The following MALRD1 variants were observed in gnomAD, a reference collection of about 807,000 sequenced individuals.
MALRD1 encodes MAM and LDL-receptor class A domain-containing protein 1.
In MALRD1, 247 loss-of-function variants were observed where a neutral mutation model predicts 242.1. The ratio of observed to expected loss-of-function variants is 1.02; its 90% CI spans 0.92 to 1.13. The LOEUF (loss-of-function observed/expected upper bound fraction) is 1.13. Among genes scored for constraint, MALRD1 ranks in the 50% most tolerant of loss-of-function variants. MALRD1 has a pLI of 0.00. For missense variants in MALRD1, 2,989 were observed against 2,533.1 expected, an observed-to-expected ratio of 1.18 and a Z score of -3.86; for synonymous variants, 995 against 866.6, an observed-to-expected ratio of 1.15 and a Z score of -2.60.
intron 32 of MALRD1, among the ~76,000 whole-genome samples, chr10:19,557,646 C>T (rs971882862): frequency 9.9e-5 from 15 of 152,056 alleles, no homozygotes; most frequent in African/African-American, 3.6e-4. Context: ...TCTATTCTTT[C>T]ACAAATACTA....
intron 31 of MALRD1, among the ~76,000 whole-genome samples, chr10:19,499,635 A>G (rs920869520): frequency 6.6e-6 from 1 of 152,112 alleles, no homozygotes; most frequent in African/African-American, 2.4e-5. Flanking sequence ...ATATACACAC[A>G]TCCTGTTGAT....
At chr10:19,113,107 T>C (rs964909265) in intron 5 of MALRD1, among the ~76,000 whole-genome samples, 1 of 152,184 alleles carries the variant, frequency 6.6e-6, no homozygotes. Flanking sequence ...ATATTTTTTT[T>C]CTTCCAATTT....
intron 18 of MALRD1, among the ~76,000 whole-genome samples, chr10:19,210,270 T>TTATC (rs1296758560): frequency 6.6e-6 from 1 of 152,194 alleles, no homozygotes; most frequent in Non-Finnish European, 1.5e-5. Flanking sequence ...ATTTTATATA[T>TTATC]TATCTATCTG....
chr10:19,445,523 T>C (rs1292181489), intron 28 of MALRD1, among the ~76,000 whole-genome samples: 1 of 152,214 alleles, frequency 6.6e-6, no homozygotes, highest in South Asian at 2.1e-4. Context: ...TTGTTAGTTT[T>C]CCTTCTAACA....
At chr10:19,238,836 C>T (rs1470108720) in intron 18 of MALRD1, among the ~76,000 whole-genome samples, 2 of 151,196 alleles carry the variant, frequency 1.3e-5, no homozygotes, top group Admixed American at 6.6e-5. Flanking sequence ...TTTACAATCC[C>T]ATCAACAGTG....
intron 26 of MALRD1, among the ~76,000 whole-genome samples, chr10:19,380,443 A>G (rs1845790156): frequency 6.6e-6 from 1 of 151,876 alleles, no homozygotes; most frequent in African/African-American, 2.4e-5. Flanking sequence ...TCAGCTGTTC[A>G]GTAGTTCTTT....
At chr10:19,450,112 C>G (rs1835236488) in intron 28 of MALRD1, among the ~76,000 whole-genome samples, 195 bp from the exon 29 acceptor site, 2 of 152,172 alleles carry the variant, frequency 1.3e-5, no homozygotes, top group Non-Finnish European at 2.9e-5. Flanking sequence ...CCCCTGACCT[C>G]TTGAGTCTTT....
At chr10:19,424,183 T>C (rs1833819308) in intron 28 of MALRD1, among the ~76,000 whole-genome samples, 1 of 152,066 alleles carries the variant, frequency 6.6e-6, no homozygotes, top group African/African-American at 2.4e-5. Context: ...TTAGATAGAG[T>C]CTTGCTCTGT....
At chr10:19,319,943 T>G (rs1842850769) in intron 21 of MALRD1, among the ~76,000 whole-genome samples, 1 of 152,042 alleles carries the variant, frequency 6.6e-6, no homozygotes, top group Non-Finnish European at 1.5e-5. Context: ...ATTTAATGCA[T>G]TTGTAGACAA....
chr10:19,325,694 G>A (rs762579602), intron 22 of MALRD1, among the ~76,000 whole-genome samples: 1 of 152,088 alleles, frequency 6.6e-6, no homozygotes, highest in Non-Finnish European at 1.5e-5. Context: ...TGTACTATGA[G>A]CAGTTTTAGA....
chr10:19,427,911 A>T (rs919762380), intron 28 of MALRD1, among the ~76,000 whole-genome samples: 1 of 152,178 alleles, frequency 6.6e-6, no homozygotes, highest in East Asian at 1.9e-4. Context: ...ATGCAATCCC[A>T]GTGAGAAGCT....
At chr10:19,418,819 T>C (rs1208316887) in intron 28 of MALRD1, among the ~76,000 whole-genome samples, 1 of 152,208 alleles carries the variant, frequency 6.6e-6, no homozygotes, top group Non-Finnish European at 1.5e-5. Context: ...TTTTCTATCC[T>C]TATAACCAAC....
At chr10:19,202,726 G>A (rs745730444) in intron 14 of MALRD1, among the ~76,000 whole-genome samples, 4 of 152,002 alleles carry the variant, frequency 2.6e-5, no homozygotes, top group South Asian at 2.1e-4. Context: ...TTCATTTTGC[G>A]TTGGTCTGTG....
intron 21 of MALRD1, among the ~76,000 whole-genome samples, chr10:19,291,134 T>G (rs1841402740): frequency 6.6e-6 from 1 of 152,224 alleles, no homozygotes; most frequent in Non-Finnish European, 1.5e-5. Context: ...ATCTATTGGT[T>G]AAATAATGTT....
intron 29 of MALRD1, among the ~76,000 whole-genome samples, chr10:19,475,962 A>G (rs932011103): frequency 6.6e-6 from 1 of 152,234 alleles, no homozygotes; most frequent in African/African-American, 2.4e-5. Context: ...TTTATTACAC[A>G]CATCAGTGAT....
chr10:19,431,240 T>C (rs954502831), intron 28 of MALRD1, among the ~76,000 whole-genome samples: 2 of 152,240 alleles, frequency 1.3e-5, no homozygotes, highest in African/African-American at 4.8e-5. Context: ...TTCTCTCTTC[T>C]GTTATAGACT....
intron 36 of MALRD1, among the ~76,000 whole-genome samples, chr10:19,686,306 C>T: frequency 6.6e-6 from 1 of 152,160 alleles, no homozygotes; most frequent in Non-Finnish European, 1.5e-5. Context: ...TCCCCTGATT[C>T]TTCCCTTGGG....
chr10:19,219,624 A>G lies in MALRD1; in HGVS notation c.2991+9944A>G, dbSNP rs1028690013. ...CTAATTTTTAAATTTTTTTATACAT[A>G]TGTTGCCCAAGCTGGTCTCAAATTC... On this transcript the variant is annotated intron_variant, in intron 18 of 39. Coordinates refer to ENST00000454679, the MANE Select transcript of MALRD1 (RefSeq NM_001142308.3). Among the ~76,000 whole-genome samples, 3 of 152,024 alleles carry G rather than the reference A, an allele frequency of 2.0e-5. No individual in the cohort carries two copies. In the East Asian group the frequency reaches 5.8e-4, roughly 29 times the overall value.
At chr10:19,410,110 T>A (rs150503980) in intron 28 of MALRD1, among the ~76,000 whole-genome samples, 10 of 152,322 alleles carry the variant, frequency 6.6e-5, no homozygotes, top group African/African-American at 2.4e-4. Context: ...CCATGTCACG[T>A]AATTACTACA....
Sources: gnomAD v4.1 joint callset for allele counts (sites outside exome capture counted in the v4.1 genomes callset) on GRCh38, gnomAD v4.1.1 for gene constraint, MANE v1.5 for transcripts, NCBI Gene and HGNC (gene_info 2026-07-23, HGNC 2026-07-21) for gene names.